Variants in PHF14 observed in about 807,000 individuals in gnomAD.
PHF14 encodes the protein PHD finger protein 14.
A neutral mutation model predicts 117.9 loss-of-function variants in PHF14; 55 were observed. The ratio of observed to expected loss-of-function variants is 0.47; its 90% CI spans 0.38 to 0.58. The LOEUF (loss-of-function observed/expected upper bound fraction) is 0.58. PHF14 is among the 20% of genes least tolerant of loss of function. The probability of loss-of-function intolerance (pLI) is 0.00; values close to 1 mark genes in which losing one functional copy is unlikely to be tolerated. For synonymous variants in PHF14, 409 were observed against 368.6 expected, an observed-to-expected ratio of 1.11 and a Z score of -1.26; for missense variants, 978 against 1,122.2, an observed-to-expected ratio of 0.87 and a Z score of 1.84.
At chr7:11,074,489 C>T (rs1181094973) in intron 16 of PHF14, among the ~76,000 whole-genome samples, 1 of 152,138 alleles carries the variant, frequency 6.6e-6, no homozygotes, top group Non-Finnish European at 1.5e-5. Context: ...GGATTACAGG[C>T]ATGAGCCACC....
rs78389128 is a variant in PHF14 at position 11,024,573 on chromosome 7, A to G, written c.1317+1594A>G. On this transcript the variant is annotated intron_variant, in intron 6 of 17. Coordinates refer to ENST00000634607, the MANE Select transcript of PHF14 (RefSeq NM_001007157.2). Reference sequence around the variant, plus strand: ...AAGTTGAAGCCAGTGCTCCTATACTATTGTGAAAATCCTAGAGCCCTTAAG... The same window carrying G: ...AAGTTGAAGCCAGTGCTCCTATACTGTTGTGAAAATCCTAGAGCCCTTAAG... Among the ~76,000 whole-genome samples the G allele has an allele frequency of 3.3e-3, 495 of 152,226 alleles. 3 individuals carry two copies. The highest frequency in any genetic ancestry group is 0.012 in the African/African-American group (483 of 41,548).
chr7:11,085,422 T>C lies in PHF14; in HGVS notation c.2654+23337T>C, dbSNP rs181172712. On this transcript the variant is annotated intron_variant, in intron 16 of 17. Transcript: ENST00000634607. ...TGTTGAAGCTATCATTGATGTAACC[T>C]TTTGTGTAATGTATTGGATCTTAAT... 3.0e-3 allele frequency among the ~76,000 whole-genome samples: 464 copies of C among 152,324 alleles called. 2 individuals carry two copies. Among genetic ancestry groups the C allele is most frequent in the Middle Eastern group, 6.8e-3 (2 of 294 alleles).
At chr7:11,045,052 C>A (rs1310852545) in intron 13 of PHF14, among the ~76,000 whole-genome samples, 1 of 152,162 alleles carries the variant, frequency 6.6e-6, no homozygotes, top group Non-Finnish European at 1.5e-5. Context: ...TGCTACTACA[C>A]ACCCTTTTCC....
chr7:11,090,990 A>G (rs1786621667), intron 16 of PHF14, among the ~76,000 whole-genome samples: 1 of 152,206 alleles, frequency 6.6e-6, no homozygotes, highest in South Asian at 2.1e-4. Flanking sequence ...GTTTAAGAGA[A>G]TAGGTAGATT....
chr7:11,110,215 T>C (rs1787397891), intron 16 of PHF14: 1 of 151,920 alleles, frequency 6.6e-6, no homozygotes, highest in Non-Finnish European at 1.5e-5. Flanking sequence ...GGTTATTGAA[T>C]AGTAGTTTTT....
intron 17 of PHF14, among the ~76,000 whole-genome samples, chr7:11,112,567 C>T (rs112095596): frequency 0.036 from 5,509 of 151,998 alleles, 233 homozygotes; most frequent in African/African-American, 0.1. Flanking sequence ...GTCAGGAGTT[C>T]GAGACCAGCC....
intron 7 of PHF14, among the ~76,000 whole-genome samples, chr7:11,033,817 C>T (rs1432944632): frequency 6.6e-6 from 1 of 152,094 alleles, no homozygotes; most frequent in African/African-American, 2.4e-5. Flanking sequence ...ATCTTTATTT[C>T]CATTTAACAT....
intron 3 of PHF14, among the ~76,000 whole-genome samples, chr7:10,984,585 T>A (rs1782151525): frequency 6.6e-6 from 1 of 152,200 alleles, no homozygotes; most frequent in Non-Finnish European, 1.5e-5. Flanking sequence ...AGTTTACTTT[T>A]GACCACATCA....
intron 16 of PHF14, among the ~76,000 whole-genome samples, chr7:11,071,449 A>G (rs983046676): frequency 2.9e-4 from 44 of 152,362 alleles, no homozygotes; most frequent in African/African-American, 1.0e-3. Flanking sequence ...AGGAGTAGAA[A>G]ATAAGTCAGT....
At chr7:11,061,766 T>C in intron 14 of PHF14, 25 bp from the exon 15 acceptor site, 1 of 1,483,126 alleles carries the variant, frequency 6.7e-7, no homozygotes, top group Non-Finnish European at 8.9e-7. Context: ...TTTTGTTTTT[T>C]GTTTTTTTTT....
At chr7:11,090,837 A>T (rs1292606358) in intron 16 of PHF14, among the ~76,000 whole-genome samples, 1 of 152,250 alleles carries the variant, frequency 6.6e-6, no homozygotes, top group Non-Finnish European at 1.5e-5. Context: ...AGAAGTCTTC[A>T]TATAAACCAA....
chr7:11,084,950 A>G (rs1039681832), intron 16 of PHF14, among the ~76,000 whole-genome samples: 1 of 151,938 alleles, frequency 6.6e-6, no homozygotes, highest in Non-Finnish European at 1.5e-5. Context: ...AGTTTATTAC[A>G]TATCTTTGTA....
intron 17 of PHF14, among the ~76,000 whole-genome samples, chr7:11,114,368 T>TCAA (rs1787531883): frequency 6.6e-6 from 1 of 152,112 alleles, no homozygotes; most frequent in African/African-American, 2.4e-5. Flanking sequence ...TATATTACTT[T>TCAA]GTCTTTCAAG....
intron 2 of PHF14, among the ~76,000 whole-genome samples, chr7:10,981,546 G>GT (rs1271074604): frequency 6.6e-6 from 1 of 152,190 alleles, no homozygotes; most frequent in African/African-American, 2.4e-5. Flanking sequence ...TTACAGTCCT[G>GT]TGAGCTCTTT....
intron 17 of PHF14, among the ~76,000 whole-genome samples, chr7:11,153,359 T>A (rs1287845807): frequency 2.0e-5 from 3 of 152,060 alleles, no homozygotes; most frequent in Non-Finnish European, 4.4e-5. Flanking sequence ...AACAACTGAG[T>A]CTTATAGACC....
intron 17 of PHF14, among the ~76,000 whole-genome samples, chr7:11,162,354 T>C (rs1206056899): frequency 6.6e-6 from 1 of 152,142 alleles, no homozygotes; most frequent in Non-Finnish European, 1.5e-5. Flanking sequence ...CCTTCCACAG[T>C]GCCGGGATTA....
At position 10,982,980 on chromosome 7, in the gene PHF14, G is replaced by T. The variant is rs201555495; in HGVS notation, c.721G>T (p.Asp241Tyr). ...TGATGGAGACAATGAGGATGATGAA[G>T]ATGAGGGAAGCGGGAGTGATGAAGA... ...GSDGDNEDDE[D>Y]EGSGSDEDEN... The change falls in exon 3 of 18, where the codon GAT becomes TAT. Residue 241 changes from aspartate to tyrosine, a missense_variant. Coordinates refer to ENST00000634607, the MANE Select transcript of PHF14 (RefSeq NM_001007157.2). The T allele has an allele frequency of 4.8e-5, 76 of 1,586,938 alleles. No individual in the cohort carries two copies. The African/African-American group carries it at 8.6e-4, about 18-fold the overall frequency.
chr7:11,123,469 G>C (rs1245823916), intron 17 of PHF14, among the ~76,000 whole-genome samples: 1 of 152,026 alleles, frequency 6.6e-6, no homozygotes, highest in African/African-American at 2.4e-5. Flanking sequence ...TTGGACTCTT[G>C]AATTTTGATA....
At chr7:11,102,384 T>G (rs1166746892) in intron 16 of PHF14, 13 of 1,257,070 alleles carry the variant, frequency 1.0e-5, no homozygotes, top group Middle Eastern at 1.9e-4. Flanking sequence ...TCATATGTTA[T>G]TTGAATCTAC....
Sources: allele counts gnomAD v4.1 joint callset (sites outside exome capture counted in the v4.1 genomes callset), GRCh38; gene constraint gnomAD v4.1.1; transcripts MANE v1.5; gene names NCBI Gene and HGNC (gene_info 2026-07-23, HGNC 2026-07-21).